Variants in PRKN observed in about 807,000 individuals in gnomAD.
PRKN encodes E3 ubiquitin-protein ligase parkin.
In PRKN, 56 loss-of-function variants were observed where a neutral mutation model predicts 59.5. That is an observed-to-expected ratio of 0.94 (90% confidence interval 0.76 to 1.18). The LOEUF (loss-of-function observed/expected upper bound fraction) is 1.18. Among genes scored for constraint, PRKN ranks in the 50% most tolerant of loss-of-function variants. PRKN has a pLI of 0.00. For missense variants in PRKN, 657 were observed against 596.4 expected, an observed-to-expected ratio of 1.10 and a Z score of -1.06; for synonymous variants, 250 against 222.1, an observed-to-expected ratio of 1.13 and a Z score of -1.12.
intron 3 of PRKN, among the ~76,000 whole-genome samples, chr6:162,205,469 T>G (rs1180142663): frequency 6.6e-6 from 1 of 152,130 alleles, no homozygotes; most frequent in African/African-American, 2.4e-5. Flanking sequence ...CCTGAGAAGT[T>G]TCCATCACTA....
intron 7 of PRKN, among the ~76,000 whole-genome samples, chr6:161,682,549 C>T (rs112865908): frequency 0.039 from 5,959 of 151,616 alleles, 157 homozygotes; most frequent in Middle Eastern, 0.058. Context: ...TGTGGAGGGG[C>T]TGCGGGGAGC....
intron 2 of PRKN, among the ~76,000 whole-genome samples, chr6:162,388,647 C>T (rs1320553577): frequency 6.6e-6 from 1 of 152,082 alleles, no homozygotes; most frequent in Non-Finnish European, 1.5e-5. Flanking sequence ...GATGTCTTAA[C>T]AACACTGCTG....
At position 161,902,559 on chromosome 6, in the gene PRKN, TA is replaced by T. The variant is rs1484001916; in HGVS notation, c.734+70742del. On this transcript the variant is annotated intron_variant, in intron 6 of 11. Coordinates refer to ENST00000366898, the MANE Select transcript of PRKN (RefSeq NM_004562.3). Reference sequence around the variant, plus strand: ...CTATCTATCTATCTATTTATTTATTTATTTATTTTTTTTTTTTTGCGACAGA... The same window carrying T: ...CTATCTATCTATCTATTTATTTATTTTTTATTTTTTTTTTTTTGCGACAGA... Among the ~76,000 whole-genome samples the T allele has an allele frequency of 1.3e-3, 175 of 134,244 alleles. 1 individual carries two copies. Among genetic ancestry groups the T allele is most frequent in the South Asian group, 4.6e-3 (19 of 4,130 alleles). 88.1% of individuals were successfully genotyped at this position (134,244 alleles called of 152,430 possible).
intron 5 of PRKN, among the ~76,000 whole-genome samples, chr6:162,040,733 T>A (rs1784037382): frequency 6.6e-6 from 1 of 151,508 alleles, no homozygotes; most frequent in Admixed American, 6.6e-5. Context: ...ACCACATTTT[T>A]GATGTATTTA....
In PRKN at chr6:161,376,864, C is replaced by T. The variant is rs1268701123; in HGVS notation, c.1167+9930G>A. ...GTCTCAGAGCCTGTTCTCCTGGGAA[C>T]CTATAACCTGTGGCACTTGGTGCCT... is the stretch of plus-strand genomic sequence containing the variant. On this transcript the variant is annotated intron_variant, in intron 10 of 11. Transcript: ENST00000366898. The surrounding 1 kb of genome is among the most constrained non-coding windows in gnomAD (Gnocchi z 7.3). Among the ~76,000 whole-genome samples the T allele has an allele frequency of 6.6e-6, 1 of 152,212 alleles. No homozygotes were observed. Among genetic ancestry groups the T allele is most frequent in the Non-Finnish European group, 1.5e-5 (1 of 68,036 alleles).
intron 5 of PRKN, among the ~76,000 whole-genome samples, chr6:162,013,904 A>G (rs1054107335): frequency 2.6e-5 from 4 of 152,170 alleles, no homozygotes; most frequent in African/African-American, 9.7e-5. Flanking sequence ...TCTATTTGAA[A>G]TACTATTAAG....
At chr6:162,676,989 A>G (rs984580607) in intron 1 of PRKN, among the ~76,000 whole-genome samples, 31 of 147,646 alleles carry the variant, frequency 2.1e-4, no homozygotes, top group African/African-American at 7.8e-4. Context: ...TGAACCCGGG[A>G]GGCAGAGGTA....
chr6:161,827,267 TG>T (rs1792285110), intron 6 of PRKN, among the ~76,000 whole-genome samples: 1 of 152,136 alleles, frequency 6.6e-6, no homozygotes, highest in South Asian at 2.1e-4. Context: ...TTTCACATGT[TG>T]TTTTCCTCTC....
At chr6:161,771,125 G>A (rs1438905947) in intron 7 of PRKN, among the ~76,000 whole-genome samples, 1 of 151,986 alleles carries the variant, frequency 6.6e-6, no homozygotes, top group African/African-American at 2.4e-5. Flanking sequence ...GGGAGGCCGA[G>A]GTGGGCGGAT....
intron 2 of PRKN, among the ~76,000 whole-genome samples, chr6:162,280,237 A>G (rs997808114): frequency 1.3e-5 from 2 of 152,186 alleles, no homozygotes; most frequent in African/African-American, 2.4e-5. Context: ...TATTTTGCAC[A>G]TTAGTTGCAG....
At chr6:162,441,551 T>A (rs920674977) in intron 2 of PRKN, among the ~76,000 whole-genome samples, 11 of 152,206 alleles carry the variant, frequency 7.2e-5, no homozygotes, top group Non-Finnish European at 1.3e-4. Flanking sequence ...ATTCTTATAT[T>A]ATAGCTATTA....
intron 1 of PRKN, among the ~76,000 whole-genome samples, chr6:162,553,557 A>AAAC (rs1554242558): frequency 3.6e-5 from 5 of 138,668 alleles, no homozygotes; most frequent in Admixed American, 7.3e-5. Flanking sequence ...AAAAAAAAAA[A>AAAC]CACCCTAAAG....
At chr6:162,574,525 T>C (rs1380736579) in intron 1 of PRKN, among the ~76,000 whole-genome samples, 1 of 152,202 alleles carries the variant, frequency 6.6e-6, no homozygotes, top group Non-Finnish European at 1.5e-5. Flanking sequence ...GATCTTCACA[T>C]TGAATATTTC....
intron 3 of PRKN, among the ~76,000 whole-genome samples, chr6:162,231,324 A>G (rs1345921840): frequency 2.0e-5 from 3 of 152,218 alleles, no homozygotes; most frequent in Admixed American, 2.0e-4. Context: ...TTATTGTCCC[A>G]GTGTTATAAA....
intron 6 of PRKN, among the ~76,000 whole-genome samples, chr6:161,827,011 GC>G (rs1490880150): frequency 6.6e-6 from 1 of 152,284 alleles, no homozygotes; most frequent in East Asian, 1.9e-4. Context: ...CAATGGGGAG[GC>G]TTAATTGTAG....
intron 2 of PRKN, among the ~76,000 whole-genome samples, chr6:162,365,757 G>A (rs747764146): frequency 7.9e-5 from 12 of 151,662 alleles, no homozygotes; most frequent in African/African-American, 1.5e-4. Flanking sequence ...ATACCTTCTC[G>A]GTTTATTTTC....
intron 5 of PRKN, among the ~76,000 whole-genome samples, chr6:161,985,388 G>A (rs1479515678): frequency 6.6e-6 from 1 of 152,112 alleles, no homozygotes; most frequent in Non-Finnish European, 1.5e-5. Flanking sequence ...TGTTAACATG[G>A]AATATTTCCT....
At chr6:162,011,243 A>C (rs369198628) in intron 5 of PRKN, among the ~76,000 whole-genome samples, 9 of 3,712 alleles carry the variant, frequency 2.4e-3, no homozygotes, top group South Asian at 7.4e-3. Flanking sequence ...ATAATTTATA[A>C]TATATATAAT....
intron 4 of PRKN, among the ~76,000 whole-genome samples, chr6:162,098,090 A>T (rs1779817231): frequency 6.6e-6 from 1 of 152,184 alleles, no homozygotes; most frequent in Non-Finnish European, 1.5e-5. Context: ...CTCTTGTCAG[A>T]TCTGATAAAA....
Sources: allele counts gnomAD v4.1 joint callset (sites outside exome capture counted in the v4.1 genomes callset), GRCh38; gene constraint gnomAD v4.1.1; non-coding constraint Gnocchi (gnomAD v3.1); transcripts MANE v1.5; gene names NCBI Gene and HGNC (gene_info 2026-07-23, HGNC 2026-07-21).